Variants in PDE4D observed in about 807,000 individuals in gnomAD.
The protein encoded by PDE4D is 3',5'-cyclic-AMP phosphodiesterase 4D.
A neutral mutation model predicts 87.4 loss-of-function variants in PDE4D; 24 were observed. The ratio of observed to expected loss-of-function variants is 0.27; its 90% CI spans 0.20 to 0.39. The LOEUF (loss-of-function observed/expected upper bound fraction) is 0.39, where lower values mean the gene tolerates loss of function less well. Ranked by LOEUF, PDE4D falls within the 10% of genes least tolerant of loss-of-function variation. The pLI is 1.00. For synonymous variants in PDE4D, 384 were observed against 383.2 expected (o/e 1.00, Z -0.02); for missense variants, 714 against 1,041.0 (o/e 0.69, Z 4.32).
chr5:60,426,667 A>G (rs1743749173), intron 1 of PDE4D, among the ~76,000 whole-genome samples: 1 of 152,178 alleles, frequency 6.6e-6, no homozygotes, highest in African/African-American at 2.4e-5. Context: ...GTACCCTAGA[A>G]CTTAAAGCAT....
At chr5:60,300,042 T>C (rs1483468001) in intron 1 of PDE4D, among the ~76,000 whole-genome samples, 2 of 152,214 alleles carry the variant, frequency 1.3e-5, no homozygotes, top group African/African-American at 4.8e-5. Context: ...CCTTTTTCTC[T>C]ACAACTTTAC....
At chr5:60,424,448 T>C (rs75188096) in intron 1 of PDE4D, among the ~76,000 whole-genome samples, 1 of 152,292 alleles carries the variant, frequency 6.6e-6, no homozygotes, top group East Asian at 1.9e-4. Flanking sequence ...ATTATCTCAA[T>C]AGATGCAGAA....
At chr5:59,447,551 G>C (rs1264648897) in intron 1 of PDE4D, among the ~76,000 whole-genome samples, 3 of 152,214 alleles carry the variant, frequency 2.0e-5, no homozygotes, top group African/African-American at 7.2e-5. Context: ...ATTATCACAG[G>C]ATAGATGTAT....
intron 6 of PDE4D, among the ~76,000 whole-genome samples, chr5:59,016,025 G>A (rs113826484): frequency 6.6e-6 from 1 of 152,258 alleles, no homozygotes; most frequent in Non-Finnish European, 1.5e-5. Context: ...ACTGTTGCAA[G>A]GACAGAAAAC....
At chr5:59,565,831 C>T (rs1467237182) in intron 1 of PDE4D, among the ~76,000 whole-genome samples, 1 of 152,096 alleles carries the variant, frequency 6.6e-6, no homozygotes, top group African/African-American at 2.4e-5. Flanking sequence ...TGGGGCACCT[C>T]CCCTCATATG....
At chr5:59,210,990 T>C (rs1749948247) in intron 2 of PDE4D, among the ~76,000 whole-genome samples, 1 of 152,184 alleles carries the variant, frequency 6.6e-6, no homozygotes, top group South Asian at 2.1e-4. Flanking sequence ...CTGGATGATG[T>C]GAAAACACAG....
At chr5:59,786,569 T>C (rs1004376675) in intron 1 of PDE4D, among the ~76,000 whole-genome samples, 2 of 152,218 alleles carry the variant, frequency 1.3e-5, no homozygotes, top group African/African-American at 4.8e-5. Context: ...GCTACCTGCC[T>C]GTGGCAGAAA....
rs530321937 is a variant in PDE4D, at chr5:60,267,713, G to A, written c.-89-82026C>T. 1.1e-3 allele frequency among the ~76,000 whole-genome samples: 168 copies of A among 152,248 alleles called. 1 individual carries two copies. The highest frequency in any genetic ancestry group is 3.9e-3 in the African/African-American group (161 of 41,540). On this transcript the variant is annotated intron_variant, in intron 1 of 16. Coordinates refer to the PDE4D transcript ENST00000502484. ...ATTCAGGGATTCAATCCTCTGTTTT[G>A]ATTCAGGGCTCTCCACAGAGATTAG...
chr5:59,318,822 C>G (rs1001345699), intron 1 of PDE4D, among the ~76,000 whole-genome samples: 1 of 152,036 alleles, frequency 6.6e-6, no homozygotes, highest in South Asian at 2.1e-4. Flanking sequence ...CAGCCCCTTT[C>G]TGCACAAGAT....
intron 2 of PDE4D, among the ~76,000 whole-genome samples, chr5:59,994,484 A>C (rs1763334187): frequency 6.6e-6 from 1 of 152,180 alleles, no homozygotes; most frequent in African/African-American, 2.4e-5. Context: ...ACAGGTAGCT[A>C]TAGAGATGTC....
At chr5:59,543,073 A>G (rs973014195) in intron 1 of PDE4D, among the ~76,000 whole-genome samples, 4 of 152,170 alleles carry the variant, frequency 2.6e-5, no homozygotes, top group Non-Finnish European at 4.4e-5. Context: ...ATCATGTTTG[A>G]CTGAGGAGTG....
chr5:59,116,980 T>A (rs1773716586), intron 5 of PDE4D, among the ~76,000 whole-genome samples: 1 of 152,232 alleles, frequency 6.6e-6, no homozygotes, highest in Non-Finnish European at 1.5e-5. Context: ...TGGTAATTAT[T>A]CAATACAATC....
chr5:60,059,739 A>G (rs984958459), intron 2 of PDE4D, among the ~76,000 whole-genome samples: 10 of 152,014 alleles, frequency 6.6e-5, no homozygotes, highest in African/African-American at 2.4e-4. Flanking sequence ...CCACTATCCA[A>G]CCCTGCAGGA....
chr5:60,487,298 G>GTACTTTT (rs1749225278), intron 1 of PDE4D, among the ~76,000 whole-genome samples: 1 of 152,122 alleles, frequency 6.6e-6, no homozygotes, highest in Non-Finnish European at 1.5e-5. Flanking sequence ...TGTGTTTAAT[G>GTACTTTT]TACTTTTTAT....
rs6895251 is a variant in PDE4D, at chr5:59,449,009, T to A, written c.456-233041A>T. 2.4e-3 allele frequency among the ~76,000 whole-genome samples: 358 copies of A among 152,292 alleles called. 3 individuals are homozygous for A. Among genetic ancestry groups the A allele is most frequent in the African/African-American group, 8.0e-3 (331 of 41,558 alleles). Reference sequence around the variant, plus strand: ...TATAATTTTCTGCCTCCCATCCACATGTTGTCTTCTGACCCCAAATCCAGA... The same window carrying A: ...TATAATTTTCTGCCTCCCATCCACAAGTTGTCTTCTGACCCCAAATCCAGA... On this transcript the variant is annotated intron_variant, in intron 1 of 14. Transcript: ENST00000340635.
intron 1 of PDE4D, among the ~76,000 whole-genome samples, chr5:60,218,959 T>C (rs920790012): frequency 2.0e-5 from 3 of 152,154 alleles, no homozygotes; most frequent in African/African-American, 7.2e-5. Context: ...TATCCACCTC[T>C]TCTAAAAGCA....
chr5:60,302,596 T>C (rs1754002373), intron 1 of PDE4D, among the ~76,000 whole-genome samples: 1 of 152,196 alleles, frequency 6.6e-6, no homozygotes, highest in South Asian at 2.1e-4. Context: ...TCTCTTTTAT[T>C]AATTATTTTC....
At chr5:59,814,465 T>G (rs1768748709) in intron 1 of PDE4D, among the ~76,000 whole-genome samples, 1 of 152,160 alleles carries the variant, frequency 6.6e-6, no homozygotes, top group Admixed American at 6.5e-5. Context: ...GGGGCCAGCT[T>G]CCTAAGACAC....
At chr5:58,985,775 A>C (rs1746281234) in intron 11 of PDE4D, among the ~76,000 whole-genome samples, 1 of 152,234 alleles carries the variant, frequency 6.6e-6, no homozygotes. Context: ...ATTTTAAAAA[A>C]GGTTTACTGC....
Sources: allele counts gnomAD v4.1 joint callset (sites outside exome capture counted in the v4.1 genomes callset), GRCh38; gene constraint gnomAD v4.1.1; transcripts MANE v1.5; gene names NCBI Gene and HGNC (gene_info 2026-07-23, HGNC 2026-07-21).